Variants in DLGAP1 observed in about 807,000 individuals in gnomAD.
The protein encoded by DLGAP1 is disks large-associated protein 1.
A neutral mutation model predicts 90.8 loss-of-function variants in DLGAP1; 11 were observed. The ratio of observed to expected loss-of-function variants is 0.12; its 90% CI spans 0.08 to 0.20. The LOEUF (loss-of-function observed/expected upper bound fraction) is 0.20, where lower values mean the gene tolerates loss of function less well. DLGAP1 is among the 10% of genes least tolerant of loss of function. The pLI is 1.00. For missense variants in DLGAP1, 1,050 were observed against 1,333.8 expected, an observed-to-expected ratio of 0.79 and a Z score of 3.31; for synonymous variants, 558 against 540.7, an observed-to-expected ratio of 1.03 and a Z score of -0.44.
intron 1 of DLGAP1, among the ~76,000 whole-genome samples, chr18:4,381,749 G>T (rs140398536): frequency 9.2e-5 from 14 of 152,156 alleles, no homozygotes; most frequent in African/African-American, 3.4e-4. Context: ...TCTTCATACT[G>T]ATAGGCTCTC....
At chr18:3,675,963 T>C (rs1327705396) in intron 7 of DLGAP1, among the ~76,000 whole-genome samples, 1 of 152,216 alleles carries the variant, frequency 6.6e-6, no homozygotes, top group African/African-American at 2.4e-5. Context: ...CTTAGGCAGA[T>C]AGTGAGGGTA....
chr18:4,114,280 C>G (rs763806783), intron 2 of DLGAP1, among the ~76,000 whole-genome samples: 28 of 152,132 alleles, frequency 1.8e-4, no homozygotes, highest in Admixed American at 3.3e-4. Flanking sequence ...TTTCTTTCAG[C>G]AGTATTTTGT....
Position 3,584,017 on chromosome 18 carries a change from C to A in DLGAP1, c.1592-1769G>T, listed in dbSNP as rs370933542. On this transcript the variant is annotated intron_variant, in intron 7 of 12. Coordinates refer to ENST00000315677, the MANE Select transcript of DLGAP1 (RefSeq NM_004746.4). ...TGGACCCGTACAAGGGGGTCAAGGT[C>A]TATTTGGAGGCTCCCGACAGCAGCC... Among the ~76,000 whole-genome samples the A allele has an allele frequency of 2.0e-5, 3 of 152,232 alleles. 1 individual carries two copies.
At chr18:3,590,832 C>T (rs1240356855) in intron 7 of DLGAP1, among the ~76,000 whole-genome samples, 2 of 151,760 alleles carry the variant, frequency 1.3e-5, no homozygotes, top group East Asian at 3.9e-4. Context: ...CGAGACGGTG[C>T]CATTGCACTC....
chr18:3,847,559 G>C (rs899022643), intron 4 of DLGAP1, among the ~76,000 whole-genome samples: 2 of 152,146 alleles, frequency 1.3e-5, no homozygotes, highest in African/African-American at 4.8e-5. Flanking sequence ...AATAAGATGA[G>C]GGGGAGAGCT....
At chr18:3,936,499 G>A (rs900764278) in intron 3 of DLGAP1, among the ~76,000 whole-genome samples, 1 of 152,124 alleles carries the variant, frequency 6.6e-6, no homozygotes, top group African/African-American at 2.4e-5. Flanking sequence ...TTCCAGAATA[G>A]GTGCTTCTTC....
chr18:3,501,172 C>T (rs2049911434), intron 12 of DLGAP1, among the ~76,000 whole-genome samples: 1 of 151,496 alleles, frequency 6.6e-6, no homozygotes, highest in Admixed American at 6.6e-5. Flanking sequence ...CCCGCCTCAG[C>T]CTCCCAAAGT....
intron 1 of DLGAP1, among the ~76,000 whole-genome samples, chr18:4,381,135 T>G (rs1221914137): frequency 3.3e-5 from 5 of 152,198 alleles, no homozygotes; most frequent in Non-Finnish European, 5.9e-5. Flanking sequence ...ATAGAGATGA[T>G]GAAAAAGACT....
intron 2 of DLGAP1, 75 bp downstream of exon 2, chr18:4,151,105 A>C (rs917502917): frequency 6.6e-6 from 1 of 152,220 alleles, no homozygotes; most frequent in African/African-American, 2.4e-5. Flanking sequence ...TGTTTCATAT[A>C]GGATAGCTGA....
At chr18:4,009,066 G>T (rs2074365264) in intron 2 of DLGAP1, among the ~76,000 whole-genome samples, 1 of 152,122 alleles carries the variant, frequency 6.6e-6, no homozygotes. Context: ...CACCATGCCC[G>T]GCTAATTTTT....
chr18:3,887,900 T>A (rs187368143), intron 3 of DLGAP1, among the ~76,000 whole-genome samples: 54 of 151,170 alleles, frequency 3.6e-4, no homozygotes, highest in Middle Eastern at 3.4e-3. Flanking sequence ...TGAGGTCAGG[T>A]GATCGAGACC....
chr18:4,240,641 A>C (rs767621466), intron 1 of DLGAP1, among the ~76,000 whole-genome samples: 2 of 152,230 alleles, frequency 1.3e-5, no homozygotes, highest in South Asian at 4.1e-4. Context: ...AATAAAAATC[A>C]TAAGTGTCCT....
At chr18:4,249,676 C>T (rs561106441) in intron 1 of DLGAP1, among the ~76,000 whole-genome samples, 195 of 152,270 alleles carry the variant, frequency 1.3e-3, no homozygotes, top group African/African-American at 4.5e-3. Context: ...TAGCCTCTAT[C>T]TCCACGGTTC....
intron 6 of DLGAP1, among the ~76,000 whole-genome samples, chr18:3,733,040 T>C (rs2062502535): frequency 6.6e-6 from 1 of 152,176 alleles, no homozygotes; most frequent in African/African-American, 2.4e-5. Flanking sequence ...GATGATGGAA[T>C]TGGAATATTC....
At chr18:3,898,027 C>T (rs1042741544) in intron 3 of DLGAP1, among the ~76,000 whole-genome samples, 1 of 152,056 alleles carries the variant, frequency 6.6e-6, no homozygotes. Flanking sequence ...ATCTCCTGAC[C>T]TCGTGATCCG....
chr18:3,610,378 GAC>G (rs2057547120), intron 7 of DLGAP1, among the ~76,000 whole-genome samples: 1 of 152,126 alleles, frequency 6.6e-6, no homozygotes, highest in African/African-American at 2.4e-5. Flanking sequence ...TTGAAAATGT[GAC>G]AGAGAAACAC....
At chr18:3,614,343 T>C (rs550800869) in intron 7 of DLGAP1, among the ~76,000 whole-genome samples, 1 of 152,316 alleles carries the variant, frequency 6.6e-6, no homozygotes, top group Non-Finnish European at 1.5e-5. Flanking sequence ...CAAAGTATTA[T>C]ATACAATTTG....
intron 4 of DLGAP1, among the ~76,000 whole-genome samples, chr18:3,841,282 T>C (rs2068701344): frequency 6.6e-6 from 1 of 152,166 alleles, no homozygotes; most frequent in East Asian, 1.9e-4. Flanking sequence ...CCCAGCTACT[T>C]TCTCTGTAGA....
intron 7 of DLGAP1, among the ~76,000 whole-genome samples, chr18:3,583,782 T>C (rs529358722): frequency 2.0e-5 from 3 of 152,264 alleles, no homozygotes; most frequent in East Asian, 3.9e-4. Context: ...ACCTCATCTG[T>C]ACTAAAAATA....
Sources: allele counts gnomAD v4.1 joint callset (sites outside exome capture counted in the v4.1 genomes callset), GRCh38; gene constraint gnomAD v4.1.1; transcripts MANE v1.5; gene names NCBI Gene and HGNC (gene_info 2026-07-23, HGNC 2026-07-21).